The following TBC1D20 variants were observed in gnomAD, a reference collection of about 807,000 sequenced individuals.
The protein encoded by TBC1D20 is TBC1 domain family member 20, also known as chromosome 20 open reading frame 140.
Under a neutral mutation model 41.6 loss-of-function variants are expected in TBC1D20, and 12 were observed. That is an observed-to-expected ratio of 0.29 (90% CI 0.18 to 0.47). The LOEUF (loss-of-function observed/expected upper bound fraction) is 0.47. TBC1D20 is among the 20% of genes least tolerant of loss of function. The pLI is 1.00. For missense variants in TBC1D20, 421 were observed against 517.4 expected (o/e 0.81, Z 1.81); for synonymous variants, 205 against 204.8 (o/e 1.00, Z -0.01).
chr20:458,076 G>A (rs2017571927), intron 1 of TBC1D20, among the ~76,000 whole-genome samples: 1 of 152,088 alleles, frequency 6.6e-6, no homozygotes, highest in African/African-American at 2.4e-5. Context: ...TTTGCTAAGA[G>A]TATGATAATT....
In TBC1D20 at chr20:439,723, G is replaced by C. The variant is rs1264243826; in HGVS notation, c.769-428C>G. The stretch of plus-strand genomic sequence containing the variant: ...TTTAAGCATCTTCCTTCTGACTGTT[G>C]GTCCACAAATCCACAGATGCTCAAG... On this transcript the variant is annotated intron_variant, in intron 6 of 7. Coordinates refer to ENST00000354200, the MANE Select transcript of TBC1D20 (RefSeq NM_144628.4). This position sits in a 1 kb window ranked among gnomAD's most constrained non-coding sequence, Gnocchi z 4.6. Among the ~76,000 whole-genome samples, 1 of 152,132 alleles carries C rather than the reference G, an allele frequency of 6.6e-6. No homozygotes were observed. Among genetic ancestry groups the C allele is most frequent in the Non-Finnish European group, 1.5e-5 (1 of 68,022 alleles).
chr20:435,562 G>A lies in TBC1D20; in HGVS notation c.*3024C>T, dbSNP rs1430647880. ...CCAGATGAAGATACACACAGGGTGA[G>A]GTCTGGACGGGTCCTGGGCAAATGC... On this transcript the variant is annotated 3_prime_UTR_variant, in exon 8 of 8. Transcript: ENST00000354200. 2 of 153,696 alleles carry A rather than the reference G, an allele frequency of 1.3e-5. No individual in the cohort carries two copies. The highest frequency in any genetic ancestry group is 2.9e-5 in the Non-Finnish European group (2 of 68,066). The allele number at this position is 153,696 out of a possible 1,614,324, so 9.5% of individuals were successfully genotyped here. A position where few individuals can be genotyped will look rare whatever the true frequency, so the allele number is the denominator to read the frequency against.
chr20:456,748 T>C (rs2017547098), intron 1 of TBC1D20, among the ~76,000 whole-genome samples: 2 of 149,936 alleles, frequency 1.3e-5, no homozygotes, highest in Non-Finnish European at 3.0e-5. Flanking sequence ...GTATTTTTAG[T>C]GGAGACGGGG....
intron 1 of TBC1D20, among the ~76,000 whole-genome samples, chr20:453,653 C>T (rs1288192131): frequency 7.6e-6 from 1 of 131,964 alleles, no homozygotes; most frequent in East Asian, 2.3e-4. Context: ...TCAAGTGATT[C>T]TCCTGCCTCA....
intron 2 of TBC1D20, among the ~76,000 whole-genome samples, chr20:447,318 A>AT (rs1470453014): frequency 1.3e-5 from 2 of 151,872 alleles, no homozygotes; most frequent in Non-Finnish European, 2.9e-5. Flanking sequence ...AAGCATATGC[A>AT]TTTTTAATAA....
At chr20:446,325 G>A (rs2017330255) in intron 2 of TBC1D20, among the ~76,000 whole-genome samples, 1 of 152,156 alleles carries the variant, frequency 6.6e-6, no homozygotes, top group African/African-American at 2.4e-5. Flanking sequence ...AAGGATTTCA[G>A]TATTTCCCAA....
chr20:459,860 C>T (rs190804509), intron 1 of TBC1D20, among the ~76,000 whole-genome samples: 121 of 152,214 alleles, frequency 7.9e-4, no homozygotes, highest in African/African-American at 2.3e-3. Flanking sequence ...TTGGCTTAAA[C>T]TTCTCCCAAC....
chr20:457,086 A>G (rs1482875171), intron 1 of TBC1D20, among the ~76,000 whole-genome samples: 2 of 151,476 alleles, frequency 1.3e-5, no homozygotes, highest in Non-Finnish European at 2.9e-5. Context: ...ACAGGCATGC[A>G]CCACCATGCC....
rs762774810 is a variant in TBC1D20, at chr20:441,573, C to T, written c.626+15G>A. Reference sequence around the variant, plus strand: ...GTGTGTATGCATGCACACAGAAATGCAGACACATATGTACCTCTGCATGAA... The same window carrying T: ...GTGTGTATGCATGCACACAGAAATGTAGACACATATGTACCTCTGCATGAA... On this transcript the variant is annotated intron_variant, in intron 5 of 7. Transcript: ENST00000354200. 1 of 1,609,072 alleles carries T rather than the reference C, an allele frequency of 6.2e-7. No homozygotes were observed. Among genetic ancestry groups the T allele is most frequent in the Admixed American group, 1.7e-5 (1 of 60,000 alleles).
In TBC1D20 at chr20:439,792, C is replaced by T. The variant is rs2017190754; in HGVS notation, c.768+456G>A. Among the ~76,000 whole-genome samples, 2 of 152,208 alleles carry T rather than the reference C, an allele frequency of 1.3e-5. No individual in the cohort carries two copies. The highest frequency in any genetic ancestry group is 4.8e-5 in the African/African-American group (2 of 41,448). On this transcript the variant is annotated intron_variant, in intron 6 of 7. Transcript: ENST00000354200. This position sits in a 1 kb window ranked among gnomAD's most constrained non-coding sequence, Gnocchi z 4.6. ...GGACTTCCCTGAATTCCCATCTCCA[C>T]CCCATCCCTCAAGACCCTTCTACTA...
chr20:459,256 T>C (rs2017591648), intron 1 of TBC1D20, among the ~76,000 whole-genome samples: 1 of 152,230 alleles, frequency 6.6e-6, no homozygotes, highest in Admixed American at 6.5e-5. Flanking sequence ...CTATTATCTA[T>C]TGTATTTCGA....
intron 1 of TBC1D20, among the ~76,000 whole-genome samples, chr20:456,196 G>T (rs745847210): frequency 6.6e-6 from 1 of 152,072 alleles, no homozygotes; most frequent in Non-Finnish European, 1.5e-5. Context: ...AGTGAGGCAT[G>T]ATTGTGCCAC....
chr20:435,807 C>A lies in TBC1D20; in HGVS notation c.*2779G>T. The stretch of plus-strand genomic sequence containing the variant: ...CTAAACCCAGCAAGGCCTGTCTGTC[C>A]AGATGCTTCTTGGCCTCTCTGTGCA... On this transcript the variant is annotated 3_prime_UTR_variant, in exon 8 of 8. Coordinates refer to ENST00000354200, the MANE Select transcript of TBC1D20 (RefSeq NM_144628.4). 6.5e-6 allele frequency: 1 copy of A among 153,878 alleles called. No individual in the cohort carries two copies. The highest frequency in any genetic ancestry group is 1.8e-4 in the South Asian group (1 of 5,428). The allele number at this position is 153,878 out of a possible 1,614,324, so 9.5% of individuals were successfully genotyped here.
intron 3 of TBC1D20, among the ~76,000 whole-genome samples, chr20:444,559 T>G (rs2017296153): frequency 8.2e-6 from 1 of 122,646 alleles, no homozygotes; most frequent in African/African-American, 3.0e-5. Flanking sequence ...TTTTTGTTTG[T>G]TTGTTTTGTT....
chr20:446,505 T>C (rs1347630688), intron 2 of TBC1D20, among the ~76,000 whole-genome samples: 1 of 151,888 alleles, frequency 6.6e-6, no homozygotes, highest in Non-Finnish European at 1.5e-5. Context: ...CATACTCAGC[T>C]AATTTTTGTA....
chr20:456,179 G>A lies in TBC1D20; in HGVS notation c.70+6157C>T, dbSNP rs778926305. Among the ~76,000 whole-genome samples the A allele has an allele frequency of 5.3e-5, 8 of 150,774 alleles. No individual in the cohort carries two copies. In the South Asian group the frequency reaches 6.3e-4, roughly 12 times the overall value. ...TTCCAGCTGCTTAGGAGGCAGAGGCGGGTTGTAGTGAGGCATGATTGTGCC... is the reference window on the plus strand; with the variant it reads ...TTCCAGCTGCTTAGGAGGCAGAGGCAGGTTGTAGTGAGGCATGATTGTGCC... On this transcript the variant is annotated intron_variant, in intron 1 of 7. Transcript: ENST00000354200.
rs1334882520 is a variant in TBC1D20, at chr20:444,231, C to T, written c.337+819G>A. ...CCGTGGGCATGTGCTTTTATCAAAACCACGCTGGCAGGCTACTGCTACCTG... is the reference window on the plus strand; with the variant it reads ...CCGTGGGCATGTGCTTTTATCAAAATCACGCTGGCAGGCTACTGCTACCTG... On this transcript the variant is annotated intron_variant, in intron 3 of 7. Transcript: ENST00000354200. Among the ~76,000 whole-genome samples, 4 of 152,110 alleles carry T rather than the reference C, an allele frequency of 2.6e-5. No individual in the cohort carries two copies. The East Asian group carries it at 7.7e-4, about 29-fold the overall frequency.
In TBC1D20 at chr20:440,380, T is replaced by C; in HGVS notation, c.636A>G (p.Val212=). The C allele has an allele frequency of 6.2e-7, 1 of 1,614,158 alleles. No individual in the cohort carries two copies. The highest frequency in any genetic ancestry group is 1.1e-5 in the South Asian group (1 of 91,080). ...GCCAGCTGAGGGCAAAGATGGTCCC[T>C]ACCTCAGCACTAGAAACAAAGGAAA... ...ELHDFMQSAE[V]GTIFALSWLI... Residue 212 remains valine (V), a synonymous_variant, in exon 6 of 8, where the codon GTA becomes GTG. Coordinates refer to ENST00000354200, the MANE Select transcript of TBC1D20 (RefSeq NM_144628.4).
chr20:448,841 C>CG, intron 1 of TBC1D20, among the ~76,000 whole-genome samples: 1 of 127,166 alleles, frequency 7.9e-6, no homozygotes, highest in African/African-American at 3.4e-5. Flanking sequence ...ATTACACGTA[C>CG]TTTTTTTTTT....
Sources: gnomAD v4.1 joint callset for allele counts (sites outside exome capture counted in the v4.1 genomes callset) on GRCh38, gnomAD v4.1.1 for gene constraint, Gnocchi (gnomAD v3.1) non-coding constraint, MANE v1.5 for transcripts, NCBI Gene and HGNC (gene_info 2026-07-23, HGNC 2026-07-21) for gene names.